The following EBF3 variants were observed in gnomAD, a reference collection of about 807,000 sequenced individuals.
EBF3 encodes the protein EBF transcription factor 3.
In EBF3, 18 loss-of-function variants were observed where a neutral mutation model predicts 77.1. The ratio of observed to expected loss-of-function variants is 0.23; its 90% CI spans 0.16 to 0.35. The LOEUF (loss-of-function observed/expected upper bound fraction) is 0.35, where lower values mean the gene tolerates loss of function less well. EBF3 is among the 10% of genes least tolerant of loss of function. The pLI, the probability that EBF3 is intolerant of heterozygous loss-of-function variation, is 1.00. For missense variants in EBF3, 558 were observed against 860.0 expected, an observed-to-expected ratio of 0.65 and a Z score of 4.39; for synonymous variants, 350 against 343.5, an observed-to-expected ratio of 1.02 and a Z score of -0.21.
intron 10 of EBF3, among the ~76,000 whole-genome samples, chr10:129,865,941 C>G (rs900716738): frequency 6.6e-6 from 1 of 152,142 alleles, no homozygotes; most frequent in African/African-American, 2.4e-5. Flanking sequence ...CCCCAGGACA[C>G]CAGGCCACAG....
chr10:129,882,185 C>T (rs1853256664), intron 6 of EBF3, among the ~76,000 whole-genome samples: 1 of 152,258 alleles, frequency 6.6e-6, no homozygotes, highest in Non-Finnish European at 1.5e-5. Flanking sequence ...GCTTCTCTAT[C>T]TGATGAAAAT....
chr10:129,961,974 C>T (rs1340549263), intron 4 of EBF3, among the ~76,000 whole-genome samples, 197 bp downstream of exon 4: 1 of 152,136 alleles, frequency 6.6e-6, no homozygotes, highest in African/African-American at 2.4e-5. Flanking sequence ...GCATATATGT[C>T]CTGTTCTAAT....
In EBF3 at chr10:129,963,736, C is replaced by T; in HGVS notation, c.33G>A (p.Gly11=). 1.3e-6 allele frequency: 2 copies of T among 1,534,550 alleles called. No individual in the cohort carries two copies. Among genetic ancestry groups the T allele is most frequent in the Non-Finnish European group, 1.8e-6 (2 of 1,133,440 alleles). MFGIQENIPR[G]GTTMKEEPLG... ...GCGGCTCCTCCTTCATGGTCGTCCC[C>T]CCGCGCGGAATATTCTCCTGAATCC... The change falls in exon 1 of 17, where the codon GGG becomes GGA. Residue 11 remains glycine (G), a synonymous_variant. Coordinates refer to ENST00000440978, the MANE Select transcript of EBF3 (RefSeq NM_001375380.1). This position sits in a 1 kb window ranked among gnomAD's most constrained non-coding sequence, Gnocchi z 7.1.
chr10:129,881,219 T>C (rs1184253282), intron 6 of EBF3, among the ~76,000 whole-genome samples: 1 of 152,184 alleles, frequency 6.6e-6, no homozygotes, highest in Non-Finnish European at 1.5e-5. Flanking sequence ...TGCTGCTCCA[T>C]CACGAAGAGG....
chr10:129,897,306 A>T lies in EBF3; in HGVS notation c.555-19457T>A, dbSNP rs1854463668. Among the ~76,000 whole-genome samples the T allele has an allele frequency of 6.6e-6, 1 of 152,040 alleles. No individual in the cohort carries two copies. Among genetic ancestry groups the T allele is most frequent in the African/African-American group, 2.4e-5 (1 of 41,390 alleles). ...AGGGACCTAGGAGGGTTGAAAGGAG[A>T]TGAGGCCCATGGCTGTGTGGGTGAG... On this transcript the variant is annotated intron_variant, in intron 6 of 16. Coordinates refer to ENST00000440978, the MANE Select transcript of EBF3 (RefSeq NM_001375380.1). The surrounding 1 kb of genome is among the most constrained non-coding windows in gnomAD (Gnocchi z 4.6).
chr10:129,840,153 G>A, intron 15 of EBF3, 92 bp downstream of exon 15: 2 of 1,442,052 alleles, frequency 1.4e-6, no homozygotes, highest in Non-Finnish European at 1.9e-6. Flanking sequence ...AGTCACAGAG[G>A]TGCCAGGAGA....
At chr10:129,883,112 A>T (rs1233597863) in intron 6 of EBF3, among the ~76,000 whole-genome samples, 2 of 152,224 alleles carry the variant, frequency 1.3e-5, no homozygotes, top group Non-Finnish European at 2.9e-5. Context: ...AACCCTGTAC[A>T]GGATTTTTTC....
intron 6 of EBF3, 75 bp downstream of exon 6, chr10:129,957,183 A>C (rs1859102063): frequency 6.7e-6 from 9 of 1,350,570 alleles, no homozygotes; most frequent in Non-Finnish European, 9.4e-6. Flanking sequence ...ATATGGAGCA[A>C]CTGGAAACCA....
At chr10:129,851,375 A>C (rs771414336) in intron 10 of EBF3, among the ~76,000 whole-genome samples, 8 of 152,206 alleles carry the variant, frequency 5.3e-5, no homozygotes, top group Non-Finnish European at 1.0e-4. Flanking sequence ...CAGCATCTGG[A>C]GAGCCGTAAA....
chr10:129,887,746 A>T (rs1476191077), intron 6 of EBF3, among the ~76,000 whole-genome samples: 1 of 152,204 alleles, frequency 6.6e-6, no homozygotes, highest in African/African-American at 2.4e-5. Flanking sequence ...CTCTGGAATG[A>T]ATCATGCACA....
intron 6 of EBF3, among the ~76,000 whole-genome samples, chr10:129,916,152 G>C (rs1296039224): frequency 6.6e-6 from 1 of 152,154 alleles, no homozygotes; most frequent in African/African-American, 2.4e-5. Flanking sequence ...ACAGTGAAAA[G>C]CCACATCTCC....
chr10:129,954,924 C>T (rs1370361252), intron 6 of EBF3, among the ~76,000 whole-genome samples: 1 of 152,016 alleles, frequency 6.6e-6, no homozygotes, highest in Admixed American at 6.5e-5. Context: ...ACATACACCC[C>T]ACAGAAATGA....
chr10:129,934,587 T>A (rs898605019), intron 6 of EBF3, among the ~76,000 whole-genome samples: 1 of 152,140 alleles, frequency 6.6e-6, no homozygotes, highest in Admixed American at 6.5e-5. Context: ...TTGCATACTA[T>A]TAAGTGGCAT....
rs529814619 is a variant in EBF3, at chr10:129,843,182, C to T, written c.1149G>A (p.Ala383=). ...CGTATAAGGCTTCCACCAGGTCCGC[C>T]GCCCGCTTCAGTAACACCTCCTAAA... ...RLPKEVLLKR[A]ADLVEALYGM... Residue 383 remains alanine, a synonymous_variant, in exon 12 of 17, where the codon GCG becomes GCA. Coordinates refer to ENST00000440978, the MANE Select transcript of EBF3 (RefSeq NM_001375380.1). The T allele has an allele frequency of 1.4e-5, 23 of 1,613,196 alleles. No individual in the cohort carries two copies. Among genetic ancestry groups the T allele is most frequent in the South Asian group, 8.8e-5 (8 of 90,840 alleles).
At chr10:129,867,965 G>A (rs986274430) in intron 8 of EBF3, 53 bp from the exon 9 acceptor site, 37 of 1,591,858 alleles carry the variant, frequency 2.3e-5, no homozygotes, top group Non-Finnish European at 2.9e-5. Context: ...CTCCTCCGAC[G>A]CTGGGCCGCT....
At chr10:129,945,879 AAGG>A (rs1433238449) in intron 6 of EBF3, among the ~76,000 whole-genome samples, 4 of 152,104 alleles carry the variant, frequency 2.6e-5, no homozygotes, top group African/African-American at 9.7e-5. Context: ...AACCTGCTAC[AAGG>A]AGAAGGGAAC....
intron 6 of EBF3, among the ~76,000 whole-genome samples, chr10:129,953,238 T>C (rs2134584793): frequency 6.6e-6 from 1 of 152,130 alleles, no homozygotes; most frequent in African/African-American, 2.4e-5. Flanking sequence ...CTAAAGACAA[T>C]GTGAAATCAC....
At chr10:129,871,750 A>C (rs1224970213) in intron 8 of EBF3, among the ~76,000 whole-genome samples, 1 of 152,226 alleles carries the variant, frequency 6.6e-6, no homozygotes. Flanking sequence ...AAATAACCCT[A>C]CTATTTATGA....
At chr10:129,883,428 A>C (rs1564853973) in intron 6 of EBF3, among the ~76,000 whole-genome samples, 1 of 152,170 alleles carries the variant, frequency 6.6e-6, no homozygotes, top group South Asian at 2.1e-4. Context: ...AGAATAAAAA[A>C]TGTTGGTATC....
Sources: allele counts gnomAD v4.1 joint callset (sites outside exome capture counted in the v4.1 genomes callset), GRCh38; gene constraint gnomAD v4.1.1; non-coding constraint Gnocchi (gnomAD v3.1); transcripts MANE v1.5; gene names NCBI Gene and HGNC (gene_info 2026-07-23, HGNC 2026-07-21).